The following PDE4D variants were observed in gnomAD, a reference collection of about 807,000 sequenced individuals.
PDE4D encodes 3',5'-cyclic-AMP phosphodiesterase 4D.
In PDE4D, 24 loss-of-function variants were observed where a neutral mutation model predicts 87.4. The ratio of observed to expected loss-of-function variants is 0.27; its 90% CI spans 0.20 to 0.39. The LOEUF is 0.39. Among genes scored for constraint, PDE4D ranks in the 10% least tolerant of loss-of-function variants. The pLI, the probability that PDE4D is intolerant of heterozygous loss-of-function variation, is 1.00. For missense variants in PDE4D, 714 were observed against 1,041.0 expected (o/e 0.69, Z 4.32); for synonymous variants, 384 against 383.2 (o/e 1.00, Z -0.02).
At position 59,668,778 on chromosome 5, in the gene PDE4D, GAAGAAGAAGAAGA is replaced by G. The variant is rs1482528457; in HGVS notation, c.455+224377_455+224389del. On this transcript the variant is annotated intron_variant, in intron 1 of 14. Transcript: ENST00000340635. ...AGAAAGAAGAAAGAAGAAGAAGAAA[GAAGAAGAAGAAGA>G]AAGAAGAAGAAGAAAGAAGAAGAAG... is the stretch of plus-strand genomic sequence containing the variant. Among the ~76,000 whole-genome samples, 167 of 123,520 alleles carry G rather than the reference GAAGAAGAAGAAGA, an allele frequency of 1.4e-3. 2 individuals are homozygous for G. Among genetic ancestry groups the G allele is most frequent in the African/African-American group, 5.4e-3 (150 of 27,690 alleles). 81.0% of individuals were successfully genotyped at this position (123,520 alleles called of 152,430 possible).
At chr5:60,188,681 A>T (rs1784977748) in intron 1 of PDE4D, among the ~76,000 whole-genome samples, 1 of 152,174 alleles carries the variant, frequency 6.6e-6, no homozygotes, top group Non-Finnish European at 1.5e-5. Flanking sequence ...CCTTAAAAAA[A>T]TCTCTATAAT....
rs531773400 is a variant in PDE4D at position 59,357,972 on chromosome 5, C to A, written c.456-142004G>T. On this transcript the variant is annotated intron_variant, in intron 1 of 14. Coordinates refer to ENST00000340635, the MANE Select transcript of PDE4D (RefSeq NM_001104631.2). The stretch of plus-strand genomic sequence containing the variant: ...AGTGCCCAAGAGTGAATTTAACCCT[C>A]TCTGAACTGGACAAAATTGACCAAG... Among the ~76,000 whole-genome samples, 26 of 152,348 alleles carry A rather than the reference C, an allele frequency of 1.7e-4. 1 individual carries two copies. Among genetic ancestry groups the A allele is most frequent in the Non-Finnish European group, 4.4e-5 (3 of 68,036 alleles).
intron 1 of PDE4D, among the ~76,000 whole-genome samples, chr5:60,290,522 G>T (rs1752800709): frequency 6.6e-6 from 1 of 152,136 alleles, no homozygotes; most frequent in Admixed American, 6.5e-5. Context: ...ATACATAGGA[G>T]GCAGGGAGTG....
At chr5:59,948,353 A>G (rs1757926668) in intron 3 of PDE4D, among the ~76,000 whole-genome samples, 1 of 152,214 alleles carries the variant, frequency 6.6e-6, no homozygotes, top group Admixed American at 6.5e-5. Flanking sequence ...AGTTCTGTAT[A>G]TGGAGAAACC....
chr5:60,257,379 C>A (rs891897559), intron 1 of PDE4D, among the ~76,000 whole-genome samples: 52 of 151,880 alleles, frequency 3.4e-4, no homozygotes, highest in African/African-American at 1.1e-3. Flanking sequence ...CTATTATTTT[C>A]TTTGCTATAG....
chr5:59,090,423 T>C (rs1768488383), intron 5 of PDE4D, among the ~76,000 whole-genome samples: 1 of 152,130 alleles, frequency 6.6e-6, no homozygotes. Flanking sequence ...ATATGTTTCC[T>C]CCCGTGATAT....
At chr5:60,298,661 A>G (rs1753626943) in intron 1 of PDE4D, among the ~76,000 whole-genome samples, 1 of 152,140 alleles carries the variant, frequency 6.6e-6, no homozygotes, top group Non-Finnish European at 1.5e-5. Flanking sequence ...ACTAAGAACG[A>G]TTTGTGAAAT....
chr5:60,122,248 G>A (rs1275847876), intron 2 of PDE4D, among the ~76,000 whole-genome samples: 1 of 152,166 alleles, frequency 6.6e-6, no homozygotes, highest in Non-Finnish European at 1.5e-5. Flanking sequence ...TCTGAAGGCT[G>A]TGGCCCTCTT....
intron 1 of PDE4D, among the ~76,000 whole-genome samples, chr5:59,295,826 G>A (rs1283044485): frequency 6.6e-6 from 1 of 151,232 alleles, no homozygotes; most frequent in Non-Finnish European, 1.5e-5. Context: ...GAGTGAAGTA[G>A]GCTAAGTGTA....
At chr5:59,310,922 G>C (rs778448702) in intron 1 of PDE4D, among the ~76,000 whole-genome samples, 1 of 152,122 alleles carries the variant, frequency 6.6e-6, no homozygotes, top group Non-Finnish European at 1.5e-5. Context: ...TACAGCTGCT[G>C]GCTAGGGATA....
intron 1 of PDE4D, among the ~76,000 whole-genome samples, chr5:60,515,025 C>A (rs1485049304): frequency 3.3e-5 from 5 of 152,060 alleles, no homozygotes; most frequent in African/African-American, 1.2e-4. Context: ...ATACTTGCAA[C>A]AGGGTAAAAA....
intron 1 of PDE4D, among the ~76,000 whole-genome samples, chr5:59,440,842 T>G (rs58232524): frequency 0.27 from 41,115 of 152,042 alleles, 9,193 homozygotes; most frequent in African/African-American, 0.62. Context: ...CATGGGAAAT[T>G]CAGTCTTCCC....
At chr5:60,011,199 T>C (rs1388169803) in intron 2 of PDE4D, among the ~76,000 whole-genome samples, 1 of 152,132 alleles carries the variant, frequency 6.6e-6, no homozygotes, top group African/African-American at 2.4e-5. Flanking sequence ...CAAAAGAACA[T>C]GGACAGCTCC....
At position 59,038,898 on chromosome 5, in the gene PDE4D, T is replaced by C. The variant is rs1450116495; in HGVS notation, c.882A>G (p.Leu294=). 1 of 1,600,428 alleles carries C rather than the reference T, an allele frequency of 6.2e-7. No homozygotes were observed. Among genetic ancestry groups the C allele is most frequent in the Non-Finnish European group, 8.5e-7 (1 of 1,173,572 alleles). The change falls in exon 6 of 15, where the codon CTA becomes CTG. Residue 294 remains leucine, a synonymous_variant. Transcript: ENST00000340635. ...LDWCLDQLET[L]QTRHSVSEMA... ...TCTCACTGACGGAGTGCCTGGTCTGTAGGGTCTCTAGCTGGTCCAGACACC... is the reference window on the plus strand; with the variant it reads ...TCTCACTGACGGAGTGCCTGGTCTGCAGGGTCTCTAGCTGGTCCAGACACC...
intron 6 of PDE4D, among the ~76,000 whole-genome samples, chr5:59,027,767 C>G (rs1295291637): frequency 6.6e-6 from 1 of 151,914 alleles, no homozygotes; most frequent in Non-Finnish European, 1.5e-5. Context: ...TATTTCCTTC[C>G]TGAGTCCCTA....
rs567114719 is a variant in PDE4D, at chr5:60,120,602, A to G, written c.42+64955T>C. Among the ~76,000 whole-genome samples, 23 of 152,298 alleles carry G rather than the reference A, an allele frequency of 1.5e-4. 1 individual carries two copies. The highest frequency in any genetic ancestry group is 1.5e-3 in the Admixed American group (23 of 15,298). ...ATGGACAGTCTTGTGTCAGGTGGGC[A>G]GCTGGGTTTTGAGGTTTGGTTTGGC... is the stretch of plus-strand genomic sequence containing the variant. On this transcript the variant is annotated intron_variant, in intron 2 of 16. Coordinates refer to the PDE4D transcript ENST00000502484.
intron 1 of PDE4D, among the ~76,000 whole-genome samples, chr5:59,485,708 T>C (rs996390335): frequency 1.7e-4 from 26 of 152,162 alleles, no homozygotes; most frequent in Non-Finnish European, 2.5e-4. Context: ...AATCTCTAAA[T>C]GCTTTCATTT....
At chr5:60,088,241 C>CA (rs1467893311) in intron 2 of PDE4D, among the ~76,000 whole-genome samples, 5 of 150,548 alleles carry the variant, frequency 3.3e-5, no homozygotes, top group African/African-American at 7.3e-5. Flanking sequence ...ACTTCGCCTA[C>CA]AAAAAATGCT....
intron 2 of PDE4D, among the ~76,000 whole-genome samples, chr5:60,040,229 A>G (rs1768314616): frequency 6.6e-6 from 1 of 152,210 alleles, no homozygotes; most frequent in Non-Finnish European, 1.5e-5. Context: ...ATCACACAGA[A>G]AAAGCAAAGC....
Sources: gnomAD v4.1 joint callset for allele counts (sites outside exome capture counted in the v4.1 genomes callset) on GRCh38, gnomAD v4.1.1 for gene constraint, MANE v1.5 for transcripts, NCBI Gene and HGNC (gene_info 2026-07-23, HGNC 2026-07-21) for gene names.